Variants in IVNS1ABP observed in about 807,000 individuals in gnomAD.
IVNS1ABP encodes the protein influenza virus NS1A-binding protein.
Under a neutral mutation model 78.9 loss-of-function variants are expected in IVNS1ABP, and 25 were observed. That is an observed-to-expected ratio of 0.32 (90% CI 0.23 to 0.44). The LOEUF is 0.44. IVNS1ABP is among the 20% of genes least tolerant of loss of function. The pLI, the probability that IVNS1ABP is intolerant of heterozygous loss-of-function variation, is 1.00. For synonymous variants in IVNS1ABP, 241 were observed against 259.7 expected, an observed-to-expected ratio of 0.93 and a Z score of 0.69; for missense variants, 494 against 768.9, an observed-to-expected ratio of 0.64 and a Z score of 4.23.
intron 2 of IVNS1ABP, among the ~76,000 whole-genome samples, chr1:185,310,481 G>A (rs1203103995): frequency 2.0e-5 from 3 of 152,054 alleles, no homozygotes; most frequent in Non-Finnish European, 2.9e-5. Flanking sequence ...GGTGGCGGGC[G>A]CCTGTAATCC....
rs536303867 is a variant in IVNS1ABP at position 185,307,530 on chromosome 1, T to C, written c.490A>G (p.Ile164Val). The C allele has an allele frequency of 4.3e-4, 691 of 1,613,402 alleles. 8 individuals carry two copies. In the South Asian group the frequency reaches 7.2e-3, roughly 17 times the overall value. The part of the protein sequence containing the change: ...DAYIQEHLLQ[I>V]SEEEEFLKLP... ...TTAAGAAACTCCTCCTCTTCAGAAA[T>C]TTGTAACAAATGCTCCTGAATATAA... The change falls in exon 6 of 15, where the codon ATT (isoleucine) becomes GTT (valine). Residue 164 changes from isoleucine (I) to valine (V), a missense_variant. By Grantham distance (29) the Ile-to-Val change is conservative. Transcript: ENST00000367498.
intron 6 of IVNS1ABP, 53 bp downstream of exon 6, chr1:185,307,436 T>C (rs1665767540): frequency 1.5e-6 from 2 of 1,368,834 alleles, no homozygotes; most frequent in Admixed American, 2.1e-5. Flanking sequence ...CAGACCAAGA[T>C]TCCACGCCTG....
chr1:185,299,660 CAA>C (rs763760829), intron 14 of IVNS1ABP, 48 bp downstream of exon 14: 1 of 1,568,890 alleles, frequency 6.4e-7, no homozygotes, highest in South Asian at 1.1e-5. Flanking sequence ...AGTTTTAGAA[CAA>C]AGTCTTGCCA....
Position 185,305,726 on chromosome 1 carries a change from G to C in IVNS1ABP, c.658-83C>G. On this transcript the variant is annotated intron_variant, in intron 7 of 14. Transcript: ENST00000367498. This position sits in a 1 kb window ranked among gnomAD's most constrained non-coding sequence, Gnocchi z 4.0. ...TATGCAGATTACACAAACGCCTCAAGGTAACCTCCAGTGTGCTTCTTGAGC... is the reference window on the plus strand; with the variant it reads ...TATGCAGATTACACAAACGCCTCAACGTAACCTCCAGTGTGCTTCTTGAGC... 1 of 1,498,104 alleles carries C rather than the reference G, an allele frequency of 6.7e-7. No homozygotes were observed. The highest frequency in any genetic ancestry group is 1.9e-5 in the Admixed American group (1 of 52,290). The allele number at this position is 1,498,104 out of a possible 1,614,324, so 92.8% of individuals were successfully genotyped here.
In IVNS1ABP at chr1:185,301,437, A is replaced by T; in HGVS notation, c.892T>A (p.Ser298Thr). 1.2e-6 allele frequency: 2 copies of T among 1,613,174 alleles called. No individual in the cohort carries two copies. The highest frequency in any genetic ancestry group is 1.7e-6 in the Non-Finnish European group (2 of 1,179,392). Residue 298 changes from serine (S) to threonine (T), a missense_variant, in exon 9 of 15, where the codon TCA (serine) becomes ACA (threonine). Coordinates refer to ENST00000367498, the MANE Select transcript of IVNS1ABP (RefSeq NM_006469.5). Reference sequence around the variant, plus strand: ...CTGGCAAGTGTCATATACTTACTTGAAGTCTTTTCTGAAGCAACGATTTTC... The same window carrying T: ...CTGGCAAGTGTCATATACTTACTTGTAGTCTTTTCTGAAGCAACGATTTTC... The part of the protein sequence containing the change: ...EWKIVASEKT[S>T]NNTYLCLAVL...
rs1311486020 is a variant in IVNS1ABP, at chr1:185,317,178, A to AAACTCT, written c.-473_-472insAGAGTT. On this transcript the variant is annotated 5_prime_UTR_variant, in exon 1 of 15. Coordinates refer to ENST00000367498, the MANE Select transcript of IVNS1ABP (RefSeq NM_006469.5). ...CTCGCCGATACAGCCGCGCCGAAGC[A>AAACTCT]GCAGGCGGAGAAACTGCGCCCAGCA... 1 of 397,500 alleles carries AAACTCT rather than the reference A, an allele frequency of 2.5e-6. No homozygotes were observed. Among genetic ancestry groups the AAACTCT allele is most frequent in the East Asian group, 3.6e-5 (1 of 28,012 alleles). The allele number at this position is 397,500 out of a possible 1,614,324, so 24.6% of individuals were successfully genotyped here.
In IVNS1ABP at chr1:185,301,510, T is replaced by A; in HGVS notation, c.819A>T (p.Gly273=). 6.8e-6 allele frequency: 11 copies of A among 1,613,206 alleles called. No individual in the cohort carries two copies. Among genetic ancestry groups the A allele is most frequent in the Non-Finnish European group, 9.3e-6 (11 of 1,179,386 alleles). ...GHKQISSSST[G]CLSSPNATVQ... ...CTGTAGCATTTGGAGAAGAGAGACA[T>A]CCAGTTGAACTGCTACTTATCTGCT... Residue 273 remains glycine, a synonymous_variant, in exon 9 of 15, where the codon GGA becomes GGT. Coordinates refer to ENST00000367498, the MANE Select transcript of IVNS1ABP (RefSeq NM_006469.5).
rs1665879079 is a variant in IVNS1ABP, at chr1:185,311,239, A to G, written c.-163T>C. On this transcript the variant is annotated 5_prime_UTR_variant, in exon 2 of 15. Coordinates refer to ENST00000367498, the MANE Select transcript of IVNS1ABP (RefSeq NM_006469.5). ...GTCTTAAGCTCTAATGGTGATTCCA[A>G]AACTATCAGGCTTGAAAATGATGTA... 2.5e-6 allele frequency: 1 copy of G among 397,446 alleles called. No individual in the cohort carries two copies. The highest frequency in any genetic ancestry group is 1.3e-4 in the South Asian group (1 of 7,854). The allele number at this position is 397,446 out of a possible 1,614,324, so 24.6% of individuals were successfully genotyped here. A position where few individuals can be genotyped will look rare whatever the true frequency, so the allele number is the denominator to read the frequency against.
At chr1:185,316,608 G>GC (rs1179675980) in intron 1 of IVNS1ABP, among the ~76,000 whole-genome samples, 2 of 152,136 alleles carry the variant, frequency 1.3e-5, no homozygotes, top group African/African-American at 4.8e-5. Flanking sequence ...CCTAACCCAG[G>GC]CCCCCCAAAA....
intron 6 of IVNS1ABP, 90 bp from the exon 7 acceptor site, chr1:185,307,229 G>T: frequency 6.9e-7 from 1 of 1,443,922 alleles, no homozygotes; most frequent in Non-Finnish European, 9.6e-7. Context: ...TGTCACAGAT[G>T]CACAATTCAT....
intron 2 of IVNS1ABP, 58 bp from the exon 3 acceptor site, chr1:185,309,569 T>G: frequency 2.3e-6 from 2 of 854,252 alleles, no homozygotes; most frequent in Non-Finnish European, 4.0e-6. Flanking sequence ...TTTAAAAATA[T>G]AATGCTAAAG....
Position 185,307,020 on chromosome 1 carries a change from C to T in IVNS1ABP, c.651G>A (p.Met217Ile), listed in dbSNP as rs1486060034. 15 of 1,613,210 alleles carry T rather than the reference C, an allele frequency of 9.3e-6. No individual in the cohort carries two copies. Among genetic ancestry groups the T allele is most frequent in the African/African-American group, 1.3e-5 (1 of 74,984 alleles). The change falls in exon 7 of 15, where the codon ATG becomes ATA. Residue 217 changes from methionine (M) to isoleucine (I), a missense_variant. Met to Ile is a conservative substitution (Grantham distance 10). Coordinates refer to ENST00000367498, the MANE Select transcript of IVNS1ABP (RefSeq NM_006469.5). The stretch of plus-strand genomic sequence containing the variant: ...CATTTACTTTAAAACTAACCTCTTC[C>T]ATCAGCTCTTCCAGACTGTCTCCAT... The part of the protein sequence containing the change: ...WENGDSLEEL[M>I]EEVQTLYYSA...
At chr1:185,314,562 C>T (rs1315494865) in intron 1 of IVNS1ABP, among the ~76,000 whole-genome samples, 4 of 152,070 alleles carry the variant, frequency 2.6e-5, no homozygotes, top group Non-Finnish European at 5.9e-5. Context: ...AGCCTAATTC[C>T]AAGGTTTAAA....
Position 185,297,399 on chromosome 1 carries a change from G to C in IVNS1ABP, c.*636C>G, listed in dbSNP as rs1665446798. On this transcript the variant is annotated 3_prime_UTR_variant, in exon 15 of 15. Transcript: ENST00000367498. Reference sequence around the variant, plus strand: ...GTTTGCACTCAGAGTTTAAAAGACAGACCCCTACTCTGCAAACTGAAGACT... The same window carrying C: ...GTTTGCACTCAGAGTTTAAAAGACACACCCCTACTCTGCAAACTGAAGACT... 1 of 152,112 alleles carries C rather than the reference G, an allele frequency of 6.6e-6. No homozygotes were observed. The highest frequency in any genetic ancestry group is 6.6e-5 in the Admixed American group (1 of 15,254). 9.4% of individuals were successfully genotyped at this position (152,112 alleles called of 1,614,324 possible). A position where few individuals can be genotyped will look rare whatever the true frequency, so the allele number is the denominator to read the frequency against.
chr1:185,301,001 G>C lies in IVNS1ABP; in HGVS notation c.1091C>G (p.Ala364Gly), dbSNP rs1414276531. The change falls in exon 10 of 15, where the codon GCA becomes GGA. Residue 364 changes from alanine (A) to glycine (G), a missense_variant. Ala to Gly is a moderately conservative substitution (Grantham distance 60). Coordinates refer to ENST00000367498, the MANE Select transcript of IVNS1ABP (RefSeq NM_006469.5). ...MQYARSGLGT[A>G]EMNGKLIAAG... is the part of the protein sequence containing the mutation. ...AGCTATGAGTTTGCCATTCATCTCT[G>C]CTGTTCCCAGACCAGATCGTGCGTA... is the stretch of plus-strand genomic sequence containing the variant. 2.5e-6 allele frequency: 4 copies of C among 1,613,372 alleles called. No individual in the cohort carries two copies. In the South Asian group the frequency reaches 4.4e-5, roughly 18 times the overall value.
intron 1 of IVNS1ABP, among the ~76,000 whole-genome samples, chr1:185,314,953 T>C (rs559463654): frequency 1.3e-5 from 2 of 152,200 alleles, no homozygotes; most frequent in Non-Finnish European, 2.9e-5. Flanking sequence ...TGATGTTAAG[T>C]ATAGGTTCAG....
chr1:185,316,775 C>G (rs905044776), intron 1 of IVNS1ABP, among the ~76,000 whole-genome samples, 178 bp downstream of exon 1: 1 of 152,188 alleles, frequency 6.6e-6, no homozygotes, highest in African/African-American at 2.4e-5. Context: ...GCGGGCCCAG[C>G]GCGGCGCGGG....
rs1173598316 is a variant in IVNS1ABP, at chr1:185,309,031, C to T, written c.253G>A (p.Val85Ile). 3 of 1,612,026 alleles carry T rather than the reference C, an allele frequency of 1.9e-6. No homozygotes were observed. The African/African-American group carries it at 4.0e-5, about 22-fold the overall frequency. ...FDDLNPEAVE[V>I]LLNYAYTAQL... ...GCAGTGTAGGCATAATTCAACAAGA[C>T]TTCAACAGCTTCTGGATTGAGATCA... The change falls in exon 4 of 15, where the codon GTC (valine) becomes ATC (isoleucine). Residue 85 changes from valine (V) to isoleucine (I), a missense_variant. Transcript: ENST00000367498.
chr1:185,306,807 GAAATAAAAA>G, intron 7 of IVNS1ABP, 198 bp downstream of exon 7: 1 of 710,860 alleles, frequency 1.4e-6, no homozygotes, highest in South Asian at 2.1e-5. Flanking sequence ...AATAAGCAAA[GAAATAAAAA>G]AAGAAAAGCA....
Sources: allele counts gnomAD v4.1 joint callset (sites outside exome capture counted in the v4.1 genomes callset), GRCh38; gene constraint gnomAD v4.1.1; non-coding constraint Gnocchi (gnomAD v3.1); transcripts MANE v1.5; gene names NCBI Gene and HGNC (gene_info 2026-07-23, HGNC 2026-07-21).